PRRC2C: variants seen among roughly 807,000 people sequenced by gnomAD.
PRRC2C encodes the protein protein PRRC2C.
PRRC2C carries 72 observed loss-of-function variants against 317.2 expected under a neutral mutation model. That is an observed-to-expected ratio of 0.23 (90% confidence interval 0.19 to 0.28). The LOEUF is 0.28. Ranked by LOEUF, PRRC2C falls within the 10% of genes least tolerant of loss-of-function variation. PRRC2C has a pLI of 1.00. For synonymous variants in PRRC2C, 1,296 were observed against 1,205.9 expected (o/e 1.07, Z -1.55); for missense variants, 3,074 against 3,459.7 (o/e 0.89, Z 2.80).
chr1:171,485,575 C>G lies in PRRC2C; in HGVS notation c.-218C>G, dbSNP rs1397919315. 1 of 152,724 alleles carries G rather than the reference C, an allele frequency of 6.5e-6. No individual in the cohort carries two copies. Among genetic ancestry groups the G allele is most frequent in the Non-Finnish European group, 1.5e-5 (1 of 68,080 alleles). 9.5% of individuals were successfully genotyped at this position (152,724 alleles called of 1,614,324 possible). ...CGCTCGCTCGCTCCCCCTCGGAAAG[C>G]TGCGAAAGTGCTTTGGCGGTTTGTC... On this transcript the variant is annotated 5_prime_UTR_variant, in exon 1 of 35. Transcript: ENST00000647382.
intron 3 of PRRC2C, chr1:171,513,569 T>G: frequency 2.6e-6 from 1 of 391,612 alleles, no homozygotes; most frequent in Non-Finnish European, 5.1e-6. Context: ...TGATGTTTCA[T>G]AGGTGCTCAA....
At chr1:171,579,526 A>C (rs542666171) in intron 27 of PRRC2C, 60 bp downstream of exon 27, 2 of 1,572,838 alleles carry the variant, frequency 1.3e-6, no homozygotes, top group African/African-American at 2.7e-5. Context: ...TGGTTATAAT[A>C]GTTATCTTGG....
chr1:171,541,694 A>G lies in PRRC2C; in HGVS notation c.4228A>G (p.Lys1410Glu). 1.9e-6 allele frequency: 3 copies of G among 1,613,932 alleles called. No homozygotes were observed. The highest frequency in any genetic ancestry group is 2.5e-6 in the Non-Finnish European group (3 of 1,179,884). Residue 1410 changes from lysine to glutamate, a missense_variant, in exon 16 of 35, where the codon AAA (lysine) becomes GAA (glutamate). This residue lies in a region of PRRC2C where 1,320 missense variants were observed against 1,395.7 expected (regional missense o/e 0.95). Transcript: ENST00000647382. The surrounding 1 kb of genome is among the most constrained non-coding windows in gnomAD (Gnocchi z 4.1). Reference sequence around the variant, plus strand: ...TATAGCAGCAGATAAACGACCTCCAAAATTTGAGCGAAAATTTGACCCAGC... The same window carrying G: ...TATAGCAGCAGATAAACGACCTCCAGAATTTGAGCGAAAATTTGACCCAGC... ...IPIAADKRPP[K>E]FERKFDPARE...
chr1:171,515,759 G>T lies in PRRC2C; in HGVS notation c.426G>T (p.Gln142His), dbSNP rs1412340154. Residue 142 changes from glutamine (Q) to histidine (H), a missense_variant, in exon 5 of 35, where the codon CAG (glutamine) becomes CAT (histidine). By Grantham distance (24) the Gln-to-His change is conservative. Around this residue, in one of 11 missense-constraint regions of PRRC2C, gnomAD observed 237 missense variants for 199.5 expected, o/e 1.19. Transcript: ENST00000647382. The stretch of plus-strand genomic sequence containing the variant: ...GAATCCAAGTGAATAGTCAGTTTCA[G>T]CAAGAATTTCCCAGCCTGCAGGCAG... ...GDGIQVNSQFQQEFPSLQAAG... is the reference protein window; with the variant it reads ...GDGIQVNSQFHQEFPSLQAAG... 2.5e-6 allele frequency: 4 copies of T among 1,608,118 alleles called. No individual in the cohort carries two copies. In the African/African-American group the frequency reaches 5.4e-5, roughly 22 times the overall value.
rs1456447118 is a variant in PRRC2C, at chr1:171,557,792, A to G, written c.5680A>G (p.Thr1894Ala). ...SPAAPVITAP[T>A]IPASAPTASV... ...AGCTGCCCCAGTCATCACAGCACCA[A>G]CTATCCCAGCCTCAGCCCCAACTGC... is the stretch of plus-strand genomic sequence containing the variant. Residue 1894 changes from threonine (T) to alanine (A), a missense_variant, in exon 19 of 35, where the codon ACT (threonine) becomes GCT (alanine). By Grantham distance (58) the Thr-to-Ala change is moderately conservative. This residue lies in a region of PRRC2C where 640 missense variants were observed against 676.1 expected (regional missense o/e 0.95). Transcript: ENST00000647382. 9.0e-6 allele frequency: 14 copies of G among 1,548,140 alleles called. No homozygotes were observed. The African/African-American group carries it at 1.2e-4, about 14-fold the overall frequency.
chr1:171,569,533 A>G lies in PRRC2C; in HGVS notation c.6651+1194A>G, dbSNP rs982134186. Among the ~76,000 whole-genome samples the G allele has an allele frequency of 2.2e-5, 3 of 133,858 alleles. 1 individual carries two copies. Among genetic ancestry groups the G allele is most frequent in the South Asian group, 5.1e-4 (2 of 3,920 alleles). 87.8% of individuals were successfully genotyped at this position (133,858 alleles called of 152,430 possible). On this transcript the variant is annotated intron_variant, in intron 23 of 34. Coordinates refer to ENST00000647382, the MANE Select transcript of PRRC2C (RefSeq NM_001387844.1). ...GGAGCTGATTAATGTGATTTGTTCA[A>G]CTTTCCTCCCACCCACCCCCCACTT...
At chr1:171,528,746 T>C (rs1675205510) in intron 11 of PRRC2C, among the ~76,000 whole-genome samples, 1 of 152,202 alleles carries the variant, frequency 6.6e-6, no homozygotes, top group Admixed American at 6.5e-5. Context: ...TTCAGTTTTC[T>C]TGTCTTCATC....
intron 33 of PRRC2C, 54 bp from the exon 34 acceptor site, chr1:171,589,315 T>TG: frequency 5.7e-6 from 4 of 702,444 alleles, no homozygotes; most frequent in East Asian, 6.7e-5. Flanking sequence ...GCAGTTTTTT[T>TG]TTTTTTTTTT....
At chr1:171,530,742 G>A (rs1049325685) in intron 11 of PRRC2C, among the ~76,000 whole-genome samples, 8 of 152,130 alleles carry the variant, frequency 5.3e-5, no homozygotes, top group Non-Finnish European at 1.0e-4. Context: ...CAGAATTAAA[G>A]ACTGATGACA....
chr1:171,591,819 C>T lies in PRRC2C; in HGVS notation c.8669C>T (p.Ala2890Val), dbSNP rs777916675. The T allele has an allele frequency of 5.0e-6, 8 of 1,586,378 alleles. No individual in the cohort carries two copies. The highest frequency in any genetic ancestry group is 1.7e-5 in the Admixed American group (1 of 57,350). The change falls in exon 35 of 35, where the codon GCG becomes GTG. Residue 2890 changes from alanine to valine, a missense_variant. Physicochemically the swap from Ala to Val is moderately conservative, Grantham distance 64. Coordinates refer to ENST00000647382, the MANE Select transcript of PRRC2C (RefSeq NM_001387844.1). ...PVRTGPIKPQ[A>V]IKTEETKS is the part of the protein sequence containing the mutation. ...AGAACTGGACCAATCAAACCTCAGG[C>T]GATCAAAACCGAAGAAACAAAATCT... is the stretch of plus-strand genomic sequence containing the variant.
At chr1:171,486,903 C>G (rs1485669780) in intron 1 of PRRC2C, among the ~76,000 whole-genome samples, 1 of 152,154 alleles carries the variant, frequency 6.6e-6, no homozygotes, top group Admixed American at 6.5e-5. Context: ...TGACTGGAGC[C>G]ATTTTTAGGT....
In PRRC2C at chr1:171,540,835, T is replaced by C; in HGVS notation, c.3369T>C (p.Thr1123=). 1 of 1,613,732 alleles carries C rather than the reference T, an allele frequency of 6.2e-7. No homozygotes were observed. The highest frequency in any genetic ancestry group is 1.3e-5 in the African/African-American group (1 of 74,964). ...STVQVEPAVK[T]VNQQTMAAPV... Reference sequence around the variant, plus strand: ...TTCAGGTAGAGCCTGCAGTTAAGACTGTAAACCAACAGACTATGGCAGCAC... The same window carrying C: ...TTCAGGTAGAGCCTGCAGTTAAGACCGTAAACCAACAGACTATGGCAGCAC... The change falls in exon 16 of 35, where the codon ACT becomes ACC. Residue 1123 remains threonine, a synonymous_variant. Coordinates refer to ENST00000647382, the MANE Select transcript of PRRC2C (RefSeq NM_001387844.1).
intron 25 of PRRC2C, 143 bp from the exon 26 acceptor site, chr1:171,577,291 C>A: frequency 1.7e-6 from 1 of 582,886 alleles, no homozygotes; most frequent in South Asian, 2.7e-5. Flanking sequence ...TATAAGCTAC[C>A]TCATCTACTT....
At chr1:171,588,652 A>G (rs1034979460) in intron 33 of PRRC2C, 147 bp downstream of exon 33, 2 of 946,540 alleles carry the variant, frequency 2.1e-6, no homozygotes, top group Non-Finnish European at 3.1e-6. Context: ...AATTTATTTT[A>G]TAAAGATAGT....
In PRRC2C at chr1:171,545,582, T is replaced by G; in HGVS notation, c.4867T>G (p.Ser1623Ala). The change falls in exon 17 of 35, where the codon TCC becomes GCC. Residue 1623 changes from serine to alanine, a missense_variant. This residue lies in a region of PRRC2C where 178 missense variants were observed against 163.0 expected (regional missense o/e 1.09). Coordinates refer to ENST00000647382, the MANE Select transcript of PRRC2C (RefSeq NM_001387844.1). ...GVPNGTGQKN[S>A]KDSTGKKRED... Reference sequence around the variant, plus strand: ...ACCTAATGGTACAGGACAAAAGAACTCCAAAGATTCTACTGGGAAAAAAAG... The same window carrying G: ...ACCTAATGGTACAGGACAAAAGAACGCCAAAGATTCTACTGGGAAAAAAAG... 6.2e-7 allele frequency: 1 copy of G among 1,609,806 alleles called. No individual in the cohort carries two copies. Among genetic ancestry groups the G allele is most frequent in the Middle Eastern group, 1.7e-4 (1 of 6,056 alleles).
rs1462150701 is a variant in PRRC2C at position 171,532,402 on chromosome 1, G to A, written c.1314G>A (p.Gln438=). The change falls in exon 12 of 35, where the codon CAG becomes CAA. Residue 438 remains glutamine (Q), a synonymous_variant. Transcript: ENST00000647382. Reference sequence around the variant, plus strand: ...GACCAGGCCCCTTTCCCTCCAAGCAGCAAGTAGCTGATGAAGATGAAATAT... The same window carrying A: ...GACCAGGCCCCTTTCCCTCCAAGCAACAAGTAGCTGATGAAGATGAAATAT... ...PGRPGPFPSK[Q]QVADEDEIWK... 4.3e-6 allele frequency: 7 copies of A among 1,613,886 alleles called. No individual in the cohort carries two copies. The highest frequency in any genetic ancestry group is 5.9e-6 in the Non-Finnish European group (7 of 1,179,876).
Position 171,587,205 on chromosome 1 carries a change from T to C in PRRC2C, c.7952T>C (p.Ile2651Thr). 6.2e-7 allele frequency: 1 copy of C among 1,603,344 alleles called. No individual in the cohort carries two copies. Among genetic ancestry groups the C allele is most frequent in the Non-Finnish European group, 8.5e-7 (1 of 1,174,620 alleles). ...LIPAGTQHSM[I>T]ATTGKMSEME... ...CCTGCTGGAACACAGCATAGCATGA[T>C]TGCAACCACAGGAAAAGTAAGTAAA... is the stretch of plus-strand genomic sequence containing the variant. The change falls in exon 31 of 35, where the codon ATT becomes ACT. Residue 2651 changes from isoleucine (I) to threonine (T), a missense_variant. Physicochemically the swap from Ile to Thr is moderately conservative, Grantham distance 89 (BLOSUM62 -1). Coordinates refer to ENST00000647382, the MANE Select transcript of PRRC2C (RefSeq NM_001387844.1).
intron 6 of PRRC2C, 136 bp downstream of exon 6, chr1:171,517,950 G>A: frequency 1.4e-6 from 1 of 689,896 alleles, no homozygotes; most frequent in Non-Finnish European, 2.4e-6. Context: ...CTCTTTTATT[G>A]TATGGTATAT....
chr1:171,498,854 C>T (rs1668580933), intron 1 of PRRC2C, among the ~76,000 whole-genome samples: 1 of 152,042 alleles, frequency 6.6e-6, no homozygotes, highest in Admixed American at 6.6e-5. Context: ...GCTTTGTTGC[C>T]CAGCAGTTGC....
Sources: allele counts gnomAD v4.1 joint callset (sites outside exome capture counted in the v4.1 genomes callset), GRCh38; gene constraint gnomAD v4.1.1; regional missense constraint gnomAD v4.1.1; non-coding constraint Gnocchi (gnomAD v3.1); transcripts MANE v1.5; gene names NCBI Gene and HGNC (gene_info 2026-07-23, HGNC 2026-07-21).